CRYL1: variants seen among roughly 807,000 people sequenced by gnomAD.
The protein encoded by CRYL1 is lambda-crystallin homolog.
CRYL1 carries 29 observed loss-of-function variants against 36.6 expected under a neutral mutation model. The ratio of observed to expected loss-of-function variants is 0.79; its 90% CI spans 0.59 to 1.08. The LOEUF (loss-of-function observed/expected upper bound fraction) is 1.08, where lower values mean the gene tolerates loss of function less well. Ranked by LOEUF, CRYL1 falls within the 50% of genes least tolerant of loss-of-function variation. CRYL1 has a pLI of 0.00. For synonymous variants in CRYL1, 152 were observed against 151.5 expected (o/e 1.00, Z -0.02); for missense variants, 411 against 407.9 (o/e 1.01, Z -0.06).
At chr13:20,407,625 T>A (rs532889375) in intron 6 of CRYL1, among the ~76,000 whole-genome samples, 10 of 152,332 alleles carry the variant, frequency 6.6e-5, no homozygotes, top group African/African-American at 1.7e-4. Context: ...CTGTATTTTT[T>A]CTTCTGTGCT....
chr13:20,499,854 T>C (rs2033674357), intron 2 of CRYL1, among the ~76,000 whole-genome samples: 3 of 152,248 alleles, frequency 2.0e-5, no homozygotes. Context: ...CCAAATTTCC[T>C]TGTCAACAGT....
At chr13:20,449,329 G>T (rs2032520487) in intron 3 of CRYL1, among the ~76,000 whole-genome samples, 1 of 152,194 alleles carries the variant, frequency 6.6e-6, no homozygotes, top group Non-Finnish European at 1.5e-5. Flanking sequence ...TCTAATATTA[G>T]AAGGTGGCCT....
At chr13:20,520,198 GAAGA>G (rs1378189904) in intron 1 of CRYL1, among the ~76,000 whole-genome samples, 2 of 152,302 alleles carry the variant, frequency 1.3e-5, no homozygotes, top group East Asian at 1.9e-4. Context: ...ATATGGATAG[GAAGA>G]AAGAAACTGG....
At chr13:20,420,849 C>T (rs2031792712) in intron 5 of CRYL1, among the ~76,000 whole-genome samples, 1 of 151,352 alleles carries the variant, frequency 6.6e-6, no homozygotes, top group South Asian at 2.1e-4. Context: ...GATTCTCCTG[C>T]CTCAGCCTCC....
intron 3 of CRYL1, among the ~76,000 whole-genome samples, chr13:20,444,897 T>C (rs2032422625): frequency 6.6e-6 from 1 of 152,204 alleles, no homozygotes; most frequent in Admixed American, 6.5e-5. Flanking sequence ...TTTGTATTTT[T>C]AGTAGAGACG....
chr13:20,410,893 G>C (rs9509204), intron 6 of CRYL1, among the ~76,000 whole-genome samples: 113,214 of 152,154 alleles, frequency 0.74, 42,355 homozygotes, highest in Admixed American at 0.83. Flanking sequence ...GGAGCCGGCC[G>C]GCTGGCTCCA....
intron 3 of CRYL1, among the ~76,000 whole-genome samples, chr13:20,466,867 G>A (rs2032946907): frequency 6.6e-6 from 1 of 152,098 alleles, no homozygotes; most frequent in Non-Finnish European, 1.5e-5. Flanking sequence ...CCGTCAACAG[G>A]GAAACAGATA....
chr13:20,410,953 T>C (rs2031508252), intron 6 of CRYL1, among the ~76,000 whole-genome samples: 3 of 152,234 alleles, frequency 2.0e-5, no homozygotes, highest in African/African-American at 4.8e-5. Flanking sequence ...GTGTTGTTTG[T>C]AAAAGGAGCC....
intron 1 of CRYL1, among the ~76,000 whole-genome samples, chr13:20,523,003 G>A (rs1441811043): frequency 1.6e-5 from 2 of 125,094 alleles, no homozygotes; most frequent in African/African-American, 2.9e-5. Flanking sequence ...TGAAACCTCC[G>A]CCTCCTGAGT....
intron 6 of CRYL1, among the ~76,000 whole-genome samples, chr13:20,412,534 C>T (rs1053671032): frequency 1.3e-5 from 2 of 152,156 alleles, no homozygotes; most frequent in Admixed American, 6.5e-5. Context: ...CATCTCTCTC[C>T]AGATTTTATA....
intron 1 of CRYL1, among the ~76,000 whole-genome samples, chr13:20,524,243 C>T (rs568198466): frequency 4.1e-4 from 63 of 152,170 alleles, no homozygotes; most frequent in Non-Finnish European, 7.5e-4. Flanking sequence ...TGTGTGTGTG[C>T]GCGTGCGCGC....
chr13:20,426,586 CAAGAGACACACA>C, intron 5 of CRYL1: 7 of 585,270 alleles, frequency 1.2e-5, no homozygotes, highest in Non-Finnish European at 1.5e-5. Context: ...GAGTCAGAAA[CAAGAGACACACA>C]TAGAGACACA....
chr13:20,445,404 T>C (rs2032431710), intron 3 of CRYL1, among the ~76,000 whole-genome samples: 1 of 152,160 alleles, frequency 6.6e-6, no homozygotes, highest in African/African-American at 2.4e-5. Flanking sequence ...CCCTTGAGCA[T>C]CCCTTATACC....
chr13:20,514,448 C>G (rs999875165), intron 1 of CRYL1, among the ~76,000 whole-genome samples: 16 of 152,160 alleles, frequency 1.1e-4, no homozygotes, highest in Non-Finnish European at 2.1e-4. Flanking sequence ...TTGACTGGTG[C>G]TCCTCAAAAC....
Position 20,523,641 on chromosome 13 carries a change from G to A in CRYL1, c.41+2113C>T, listed in dbSNP as rs190897398. The stretch of plus-strand genomic sequence containing the variant: ...AAGAAATAGAGGGACGAGAAAGAAG[G>A]GTGGTAAAGAGGAAGGGAAGAAACC... On this transcript the variant is annotated intron_variant, in intron 1 of 7. Coordinates refer to ENST00000298248, the MANE Select transcript of CRYL1 (RefSeq NM_015974.3). Among the ~76,000 whole-genome samples, 51 of 152,172 alleles carry A rather than the reference G, an allele frequency of 3.4e-4. No individual in the cohort carries two copies. In the Middle Eastern group the frequency reaches 0.01, roughly 30 times the overall value.
chr13:20,420,873 C>T (rs2031793648), intron 5 of CRYL1, among the ~76,000 whole-genome samples: 1 of 151,538 alleles, frequency 6.6e-6, no homozygotes, highest in African/African-American at 2.4e-5. Context: ...ATAGCTGGGA[C>T]TACAGGCCCG....
At chr13:20,416,670 G>C (rs1593430091) in intron 5 of CRYL1, among the ~76,000 whole-genome samples, 1 of 152,302 alleles carries the variant, frequency 6.6e-6, no homozygotes, top group East Asian at 1.9e-4. Context: ...AGTGTTATTT[G>C]GCTTGGCTCT....
Position 20,525,227 on chromosome 13 carries a change from C to T in CRYL1, c.41+527G>A, listed in dbSNP as rs188412995. ...GCCTAACACCTGCTGCGGCCTCCAG[C>T]GACATCGTCGCCGACAGGACTGCGC... On this transcript the variant is annotated intron_variant, in intron 1 of 7. Transcript: ENST00000298248. The surrounding 1 kb of genome is among the most constrained non-coding windows in gnomAD (Gnocchi z 4.3). 8.5e-4 allele frequency among the ~76,000 whole-genome samples: 129 copies of T among 152,286 alleles called. No individual in the cohort carries two copies. Among genetic ancestry groups the T allele is most frequent in the African/African-American group, 2.9e-3 (120 of 41,556 alleles).
chr13:20,431,977 CCTCTGA>C (rs1565961819), intron 5 of CRYL1, 119 bp downstream of exon 5: 1 of 1,560,540 alleles, frequency 6.4e-7, no homozygotes, highest in South Asian at 1.2e-5. Context: ...AAGCAAGCAG[CCTCTGA>C]CTTTCCCAGC....
Sources: allele counts gnomAD v4.1 joint callset (sites outside exome capture counted in the v4.1 genomes callset), GRCh38; gene constraint gnomAD v4.1.1; non-coding constraint Gnocchi (gnomAD v3.1); transcripts MANE v1.5; gene names NCBI Gene and HGNC (gene_info 2026-07-23, HGNC 2026-07-21).